The following SVOPL variants were observed in gnomAD, a reference collection of about 807,000 sequenced individuals.
SVOPL encodes the protein putative transporter SVOPL.
In SVOPL, 60 loss-of-function variants were observed where a neutral mutation model predicts 61.0. The ratio of observed to expected loss-of-function variants is 0.98; its 90% CI spans 0.80 to 1.22. The LOEUF (loss-of-function observed/expected upper bound fraction) is 1.22. Among genes scored for constraint, SVOPL ranks in the 50% most tolerant of loss-of-function variants. The pLI is 0.00. For synonymous variants in SVOPL, 279 were observed against 250.0 expected, an observed-to-expected ratio of 1.12 and a Z score of -1.09; for missense variants, 662 against 643.9, an observed-to-expected ratio of 1.03 and a Z score of -0.30.
intron 14 of SVOPL, among the ~76,000 whole-genome samples, chr7:138,601,106 G>A (rs1049589601): frequency 3.9e-5 from 6 of 152,020 alleles, no homozygotes; most frequent in East Asian, 1.9e-4. Context: ...CAAAAAATTA[G>A]CCGGGCGTGG....
chr7:138,654,620 C>T (rs1290300628), intron 7 of SVOPL, among the ~76,000 whole-genome samples: 1 of 151,508 alleles, frequency 6.6e-6, no homozygotes, highest in Non-Finnish European at 1.5e-5. Context: ...CTGCCTCAGC[C>T]TCCCGAGTAG....
intron 14 of SVOPL, among the ~76,000 whole-genome samples, chr7:138,605,090 A>G (rs1326048586): frequency 6.6e-6 from 1 of 151,846 alleles, no homozygotes; most frequent in Non-Finnish European, 1.5e-5. Context: ...ATAATCGCTA[A>G]TGTAGAGGAA....
intron 1 of SVOPL, among the ~76,000 whole-genome samples, chr7:138,686,328 C>CG (rs1196445620): frequency 2.2e-3 from 309 of 140,432 alleles, no homozygotes; most frequent in East Asian, 0.016. Context: ...GCTTGAACCC[C>CG]GGGGGGGGCG....
chr7:138,622,186 C>CTATGTATGTATGTATG (rs1799670232), intron 13 of SVOPL, among the ~76,000 whole-genome samples: 1 of 59,686 alleles, frequency 1.7e-5, no homozygotes, highest in Non-Finnish European at 3.3e-5. Context: ...GTCTATGTAT[C>CTATGTATGTATGTATG]TATCTATCTA....
At chr7:138,682,688 G>T (rs1802724815) in intron 1 of SVOPL, among the ~76,000 whole-genome samples, 2 of 152,146 alleles carry the variant, frequency 1.3e-5, no homozygotes, top group Non-Finnish European at 2.9e-5. Flanking sequence ...CAAGTGTGTG[G>T]CTGGGTGCAG....
At chr7:138,604,593 T>C (rs533775176) in intron 14 of SVOPL, among the ~76,000 whole-genome samples, 1 of 145,684 alleles carries the variant, frequency 6.9e-6, no homozygotes, top group South Asian at 2.2e-4. Flanking sequence ...CAGGAGAGTC[T>C]CTTGAACCTG....
At position 138,660,288 on chromosome 7, in the gene SVOPL, C is replaced by T. The variant is rs189133510; in HGVS notation, c.346-300G>A. 3.3e-3 allele frequency: 3,684 copies of T among 1,106,824 alleles called. 9 individuals carry two copies. The highest frequency in any genetic ancestry group is 3.8e-3 in the Non-Finnish European group (3,443 of 904,340). The allele number at this position is 1,106,824 out of a possible 1,614,324, so 68.6% of individuals were successfully genotyped here. A position where few individuals can be genotyped will look rare whatever the true frequency, so the allele number is the denominator to read the frequency against. On this transcript the variant is annotated intron_variant, in intron 5 of 15. Coordinates refer to ENST00000674285, the MANE Select transcript of SVOPL (RefSeq NM_001139456.2). ...AAAAGGCAAAAACGTGTCCTCCCTACTCACAGGGCTGCTGGGGACGTAATG... is the reference window on the plus strand; with the variant it reads ...AAAAGGCAAAAACGTGTCCTCCCTATTCACAGGGCTGCTGGGGACGTAATG...
chr7:138,630,819 T>C (rs1360566705), intron 9 of SVOPL, among the ~76,000 whole-genome samples: 2 of 152,064 alleles, frequency 1.3e-5, no homozygotes, highest in African/African-American at 4.8e-5. Context: ...GGAGCATGCC[T>C]GTAATCCCAG....
chr7:138,622,214 CTATCTATG>C (rs1799678851), intron 13 of SVOPL, among the ~76,000 whole-genome samples: 3 of 45,478 alleles, frequency 6.6e-5, no homozygotes, highest in Admixed American at 2.3e-4. Context: ...ATCTATCTAT[CTATCTATG>C]TATCTATCTA....
At chr7:138,694,729 A>G (rs1584873324) in intron 1 of SVOPL, among the ~76,000 whole-genome samples, 1 of 152,116 alleles carries the variant, frequency 6.6e-6, no homozygotes, top group African/African-American at 2.4e-5. Flanking sequence ...ATCCCAATTT[A>G]TAAAATTATT....
intron 9 of SVOPL, among the ~76,000 whole-genome samples, chr7:138,643,560 A>T (rs1279825396): frequency 6.6e-6 from 1 of 152,172 alleles, no homozygotes; most frequent in Non-Finnish European, 1.5e-5. Flanking sequence ...CTATCCATAC[A>T]ATGAAATATT....
At chr7:138,601,266 AAAAG>A (rs1357186386) in intron 14 of SVOPL, among the ~76,000 whole-genome samples, 5 of 151,362 alleles carry the variant, frequency 3.3e-5, no homozygotes, top group Non-Finnish European at 5.9e-5. Flanking sequence ...AAAAAAAAAA[AAAAG>A]AAAAGAAAAT....
intron 6 of SVOPL, among the ~76,000 whole-genome samples, chr7:138,657,270 C>A (rs1018387735): frequency 3.3e-5 from 5 of 152,002 alleles, no homozygotes; most frequent in African/African-American, 1.2e-4. Context: ...ATCTTCTCAC[C>A]TCAGCCTCCC....
chr7:138,656,623 T>C, intron 6 of SVOPL, 112 bp from the exon 7 acceptor site: 2 of 1,102,302 alleles, frequency 1.8e-6, no homozygotes, highest in Non-Finnish European at 2.6e-6. Flanking sequence ...GCATAGAAGT[T>C]GATTATATAT....
At chr7:138,617,134 T>C (rs941044681) in intron 14 of SVOPL, among the ~76,000 whole-genome samples, 12 of 152,046 alleles carry the variant, frequency 7.9e-5, no homozygotes, top group African/African-American at 2.9e-4. Flanking sequence ...ACGCCTGGCC[T>C]AATTCTTATA....
At chr7:138,640,520 G>A (rs1224355201) in intron 9 of SVOPL, among the ~76,000 whole-genome samples, 1 of 152,180 alleles carries the variant, frequency 6.6e-6, no homozygotes, top group Non-Finnish European at 1.5e-5. Context: ...AAAGTGCTGG[G>A]ATTACAGGCG....
chr7:138,595,065 C>T (rs1166848638), intron 15 of SVOPL, among the ~76,000 whole-genome samples: 1 of 151,980 alleles, frequency 6.6e-6, no homozygotes, highest in African/African-American at 2.4e-5. Flanking sequence ...CAATATTCTC[C>T]TTCTAGATAG....
intron 9 of SVOPL, among the ~76,000 whole-genome samples, chr7:138,642,626 A>C (rs1800869317): frequency 6.6e-6 from 1 of 151,856 alleles, no homozygotes. Flanking sequence ...CGGGAGTTCA[A>C]GATCAGCCTG....
chr7:138,594,946 G>A (rs989707748), intron 15 of SVOPL, among the ~76,000 whole-genome samples: 4 of 146,974 alleles, frequency 2.7e-5, no homozygotes, highest in African/African-American at 1.0e-4. Flanking sequence ...TTTAGAGACA[G>A]GGTTTCACCA....
Sources: gnomAD v4.1 joint callset for allele counts (sites outside exome capture counted in the v4.1 genomes callset) on GRCh38, gnomAD v4.1.1 for gene constraint, MANE v1.5 for transcripts, NCBI Gene and HGNC (gene_info 2026-07-23, HGNC 2026-07-21) for gene names.